GFRA2: variants seen among roughly 807,000 people sequenced by gnomAD.
GFRA2 encodes the protein GDNF family receptor alpha 2.
A neutral mutation model predicts 48.3 loss-of-function variants in GFRA2; 17 were observed. The ratio of observed to expected loss-of-function variants is 0.35; its 90% CI spans 0.24 to 0.53. The LOEUF (loss-of-function observed/expected upper bound fraction) is 0.53. GFRA2 is among the 20% of genes least tolerant of loss of function. GFRA2 has a pLI of 0.93. For missense variants in GFRA2, 660 were observed against 637.3 expected, an observed-to-expected ratio of 1.04 and a Z score of -0.38; for synonymous variants, 305 against 257.2, an observed-to-expected ratio of 1.19 and a Z score of -1.78.
chr8:21,760,747 G>A (rs150586279), intron 3 of GFRA2, among the ~76,000 whole-genome samples: 42 of 152,298 alleles, frequency 2.8e-4, no homozygotes, highest in East Asian at 1.7e-3. Context: ...TCAGTGAGGC[G>A]CCACAGGTTG....
At chr8:21,700,004 C>G (rs1201344394) in intron 7 of GFRA2, among the ~76,000 whole-genome samples, 1 of 152,154 alleles carries the variant, frequency 6.6e-6, no homozygotes, top group East Asian at 1.9e-4. Context: ...CCAGAGCAGG[C>G]GGAAGGCAAC....
At chr8:21,736,945 G>A (rs1408880027) in intron 4 of GFRA2, among the ~76,000 whole-genome samples, 3 of 149,738 alleles carry the variant, frequency 2.0e-5, no homozygotes, top group African/African-American at 4.9e-5. Context: ...GGGGAGGGGA[G>A]GGGAGGCCTC....
In GFRA2 at chr8:21,782,475, G is replaced by A. The variant is rs1049866112; in HGVS notation, c.355+110C>T. On this transcript the variant is annotated intron_variant, in intron 2 of 8. Transcript: ENST00000524240. ...CCCTAGCAGGTAGACATAGAGAGCTGGCCAGTTTGCGCCACCACCTAGTCC... is the reference window on the plus strand; with the variant it reads ...CCCTAGCAGGTAGACATAGAGAGCTAGCCAGTTTGCGCCACCACCTAGTCC... The A allele has an allele frequency of 1.5e-4, 115 of 788,130 alleles. No homozygotes were observed. In the East Asian group the frequency reaches 2.9e-3, roughly 20 times the overall value. The allele number at this position is 788,130 out of a possible 1,614,324, so 48.8% of individuals were successfully genotyped here. A position where few individuals can be genotyped will look rare whatever the true frequency, so the allele number is the denominator to read the frequency against.
intron 4 of GFRA2, among the ~76,000 whole-genome samples, chr8:21,713,064 A>AAGGGAG (rs904634386): frequency 1.4e-4 from 18 of 129,734 alleles, no homozygotes; most frequent in Admixed American, 8.5e-4. Flanking sequence ...AGACGAGGGA[A>AAGGGAG]AGGGAGAGGG....
chr8:21,724,004 T>C (rs1053534404), intron 4 of GFRA2, among the ~76,000 whole-genome samples: 1 of 151,996 alleles, frequency 6.6e-6, no homozygotes, highest in Non-Finnish European at 1.5e-5. Context: ...GTAGAGTGTA[T>C]GGAAAGCCAG....
At position 21,803,317 on chromosome 8, in the gene GFRA2, A is replaced by T. The variant is rs377344025; in HGVS notation, c.-36+1700T>A. On this transcript the variant is annotated intron_variant, in intron 2 of 10. Transcript: ENST00000517328. ...CATCCCATTGGCCAGAACCAATTAC[A>T]TGCTCCTGTCTAGCAACAGTGGGAC... 5.4e-4 allele frequency among the ~76,000 whole-genome samples: 82 copies of T among 152,306 alleles called. 1 individual carries two copies. The East Asian group carries it at 0.015, about 28-fold the overall frequency.
At chr8:21,796,500 C>T (rs377091340) in intron 2 of GFRA2, among the ~76,000 whole-genome samples, 1,663 of 152,340 alleles carry the variant, frequency 0.011, 28 homozygotes, top group African/African-American at 0.037. Context: ...GGCACAGGTC[C>T]GACTGCAGGA....
intron 4 of GFRA2, among the ~76,000 whole-genome samples, chr8:21,711,524 G>A (rs1483678525): frequency 2.0e-5 from 3 of 152,164 alleles, no homozygotes; most frequent in East Asian, 3.9e-4. Flanking sequence ...GCAGCAGCAG[G>A]AGACAGAGAG....
intron 4 of GFRA2, among the ~76,000 whole-genome samples, chr8:21,714,077 G>A (rs985229040): frequency 6.6e-6 from 1 of 152,050 alleles, no homozygotes; most frequent in Non-Finnish European, 1.5e-5. Flanking sequence ...CTATGCTTTG[G>A]TCTTCACCAA....
intron 4 of GFRA2, among the ~76,000 whole-genome samples, chr8:21,749,903 T>C (rs1375599415): frequency 1.3e-5 from 2 of 152,080 alleles, no homozygotes; most frequent in East Asian, 3.9e-4. Flanking sequence ...TTGTGAACGT[T>C]AGATGACATA....
chr8:21,787,968 G>T (rs1268691982), intron 1 of GFRA2, among the ~76,000 whole-genome samples, 152 bp downstream of exon 1: 1 of 151,614 alleles, frequency 6.6e-6, no homozygotes, highest in Non-Finnish European at 1.5e-5. Context: ...CCTGCCGCCC[G>T]GCCCCGCTCG....
intron 1 of GFRA2, among the ~76,000 whole-genome samples, chr8:21,787,517 G>A (rs1280608327): frequency 9.9e-5 from 15 of 152,164 alleles, no homozygotes; most frequent in Admixed American, 9.8e-4. Context: ...AAAGTGTTCC[G>A]GGGAGTGGAG....
chr8:21,764,764 A>G (rs1448783707), intron 3 of GFRA2, among the ~76,000 whole-genome samples: 1 of 152,168 alleles, frequency 6.6e-6, no homozygotes, highest in African/African-American at 2.4e-5. Flanking sequence ...ACAGGTACAA[A>G]TGTGCCACCA....
At chr8:21,786,763 A>G (rs946889595) in intron 1 of GFRA2, among the ~76,000 whole-genome samples, 1 of 152,098 alleles carries the variant, frequency 6.6e-6, no homozygotes, top group Non-Finnish European at 1.5e-5. Context: ...TGGACACCCA[A>G]TGACTCCGGT....
At position 21,747,136 on chromosome 8, in the gene GFRA2, C is replaced by T. The variant is rs374704224; in HGVS notation, c.794+3452G>A. ...GGATTCATCCTGGTCTTTTCCAGCC[C>T]CTTCAAGGCCCAGTTCCGGTCTGCT... On this transcript the variant is annotated intron_variant, in intron 4 of 8. Transcript: ENST00000524240. Among the ~76,000 whole-genome samples, 21 of 152,312 alleles carry T rather than the reference C, an allele frequency of 1.4e-4. 1 individual carries two copies. The highest frequency in any genetic ancestry group is 8.3e-4 in the South Asian group (4 of 4,822).
In GFRA2 at chr8:21,695,968, C is replaced by T. The variant is rs562404963; in HGVS notation, c.1219-1451G>A. Among the ~76,000 whole-genome samples, 7 of 152,168 alleles carry T rather than the reference C, an allele frequency of 4.6e-5. No individual in the cohort carries two copies. In the South Asian group the frequency reaches 1.2e-3, roughly 27 times the overall value. Reference sequence around the variant, plus strand: ...GTTTCAGGTGTGGCAGGCCAGTCCCCGCCCTTTCTGGGAGTCCATGTCTTA... The same window carrying T: ...GTTTCAGGTGTGGCAGGCCAGTCCCTGCCCTTTCTGGGAGTCCATGTCTTA... On this transcript the variant is annotated intron_variant, in intron 7 of 8. Coordinates refer to ENST00000524240, the MANE Select transcript of GFRA2 (RefSeq NM_001495.5).
intron 4 of GFRA2, among the ~76,000 whole-genome samples, chr8:21,727,250 G>A (rs909813478): frequency 6.6e-6 from 1 of 152,152 alleles, no homozygotes; most frequent in East Asian, 1.9e-4. Flanking sequence ...ACTCCTCCAA[G>A]GACAGGCTTT....
Position 21,694,492 on chromosome 8 carries a change from G to A in GFRA2, c.1244C>T (p.Ser415Phe), listed in dbSNP as rs776682965. Residue 415 changes from serine to phenylalanine, a missense_variant, in exon 8 of 9, where the codon TCC becomes TTC. Ser to Phe is a radical substitution (Grantham distance 155). Transcript: ENST00000524240. ...VQEQGLKANN[S>F]KELSMCFTEL... The stretch of plus-strand genomic sequence containing the variant: ...TGTGAAGCACATGCTTAACTCTTTG[G>A]AGTTGTTGGCCTTCAGCCCCTGCTC... The A allele has an allele frequency of 1.3e-5, 21 of 1,612,248 alleles. No individual in the cohort carries two copies. The highest frequency in any genetic ancestry group is 1.8e-5 in the Non-Finnish European group (21 of 1,179,448).
chr8:21,793,867 T>TTG (rs144754910), upstream of GFRA2, among the ~76,000 whole-genome samples: 6 of 56,284 alleles, frequency 1.1e-4, no homozygotes, highest in Admixed American at 8.3e-4. Flanking sequence ...AGAATCAAAG[T>TTG]TTTTTTTTTT....
Sources: allele counts gnomAD v4.1 joint callset (sites outside exome capture counted in the v4.1 genomes callset), GRCh38; gene constraint gnomAD v4.1.1; transcripts MANE v1.5; gene names NCBI Gene and HGNC (gene_info 2026-07-23, HGNC 2026-07-21).